SLC1A7: variants seen among roughly 807,000 people sequenced by gnomAD.
SLC1A7 encodes the protein solute carrier family 1 member 7.
Under a neutral mutation model 47.7 loss-of-function variants are expected in SLC1A7, and 40 were observed. The ratio of observed to expected loss-of-function variants is 0.84; its 90% CI spans 0.65 to 1.09. SLC1A7 has a LOEUF of 1.09. Ranked by LOEUF, SLC1A7 falls within the 50% of genes least tolerant of loss-of-function variation. The pLI is 0.00. For synonymous variants in SLC1A7, 323 were observed against 325.6 expected (o/e 0.99, Z 0.09); for missense variants, 746 against 769.5 (o/e 0.97, Z 0.36).
intron 3 of SLC1A7, among the ~76,000 whole-genome samples, chr1:53,113,002 C>T (rs1644716396): frequency 6.6e-6 from 1 of 151,790 alleles, no homozygotes; most frequent in Admixed American, 6.6e-5. Flanking sequence ...CACCAGGGAG[C>T]AGGCAGAGCA....
chr1:53,125,038 A>G (rs1679967), intron 2 of SLC1A7, among the ~76,000 whole-genome samples: 150,038 of 152,244 alleles, frequency 0.99, 73,971 homozygotes, highest in Middle Eastern at 1. Context: ...CTGCTCGGGG[A>G]AGAATGGGAA....
intron 8 of SLC1A7, 156 bp from the exon 9 acceptor site, chr1:53,090,090 A>C: frequency 1.4e-6 from 1 of 729,628 alleles, no homozygotes; most frequent in Non-Finnish European, 2.4e-6. Flanking sequence ...TCTCGGGGTC[A>C]AGTCCCTCCT....
chr1:53,136,074 C>G (rs1216089969), intron 1 of SLC1A7, among the ~76,000 whole-genome samples: 1 of 151,200 alleles, frequency 6.6e-6, no homozygotes, highest in South Asian at 2.1e-4. Context: ...CAGCACAGGA[C>G]CAGGACTGCT....
intron 3 of SLC1A7, among the ~76,000 whole-genome samples, chr1:53,110,874 C>T (rs1450921914): frequency 6.6e-6 from 1 of 152,080 alleles, no homozygotes; most frequent in Non-Finnish European, 1.5e-5. Context: ...TTGCTGGGCA[C>T]ATTCTCCCTG....
Position 53,103,483 on chromosome 1 carries a change from AC to A in SLC1A7, c.559del (p.Val187SerfsTer16). On this transcript the variant is annotated frameshift_variant, in exon 5 of 11. Coordinates refer to ENST00000371494, the MANE Select transcript of SLC1A7 (RefSeq NM_006671.6). LOFTEE classifies it high-confidence loss of function. The stretch of plus-strand genomic sequence containing the variant: ...CACATGGGAGCCATTCTCCTCCTGG[AC>A]CCCGTAGATGAGGATCCGCCGAGGA... ...APPRRILIYG[V>X]QEENGSHVQN... The A allele has an allele frequency of 6.2e-7, 1 of 1,612,830 alleles. No homozygotes were observed. The highest frequency in any genetic ancestry group is 1.1e-5 in the South Asian group (1 of 90,820).
At chr1:53,091,450 C>T (rs940651958) in intron 7 of SLC1A7, among the ~76,000 whole-genome samples, 3 of 152,244 alleles carry the variant, frequency 2.0e-5, no homozygotes, top group Admixed American at 6.5e-5. Context: ...GGGCTTGAGG[C>T]TGCGGTTCCT....
intron 7 of SLC1A7, chr1:53,091,040 C>T (rs899316400): frequency 3.4e-5 from 44 of 1,277,360 alleles, no homozygotes; most frequent in South Asian, 2.0e-4. Flanking sequence ...GCCCAGAGGG[C>T]GGGGCTGACC....
At chr1:53,106,969 A>G (rs1644649336) in intron 3 of SLC1A7, among the ~76,000 whole-genome samples, 1 of 152,010 alleles carries the variant, frequency 6.6e-6, no homozygotes, top group Admixed American at 6.5e-5. Flanking sequence ...AGCCTGGCCA[A>G]CATGGCGAAA....
At chr1:53,122,113 A>C (rs143364377) in intron 2 of SLC1A7, among the ~76,000 whole-genome samples, 106 of 152,280 alleles carry the variant, frequency 7.0e-4, no homozygotes, top group African/African-American at 2.4e-3. Flanking sequence ...GCTCAGCACC[A>C]GGAATAACTT....
At chr1:53,092,414 C>T in intron 7 of SLC1A7, 140 bp downstream of exon 7, 1 of 674,966 alleles carries the variant, frequency 1.5e-6, no homozygotes, top group Non-Finnish European at 2.6e-6. Flanking sequence ...GTTACCCCAG[C>T]ACCAGCCGTC....
chr1:53,088,956 T>C lies in SLC1A7; in HGVS notation c.1385A>G (p.Asn462Ser). Residue 462 changes from asparagine (N) to serine (S), a missense_variant, in exon 10 of 11, where the codon AAC becomes AGC. Asn to Ser is a conservative substitution (Grantham distance 46, BLOSUM62 1). Transcript: ENST00000371494. ...CGCTGCCAGCGCATCACCCAGCACG[T>C]TAATCATGGTGCGGAAACGGTCCCT... ...WALDRFRTMI[N>S]VLGDALAAGI... 6.2e-7 allele frequency: 1 copy of C among 1,614,102 alleles called. No individual in the cohort carries two copies.
chr1:53,122,983 G>A (rs1644841503), intron 2 of SLC1A7, among the ~76,000 whole-genome samples: 1 of 152,112 alleles, frequency 6.6e-6, no homozygotes, highest in Non-Finnish European at 1.5e-5. Context: ...GGCATGCCCT[G>A]CTGCCCTCTG....
At chr1:53,110,398 C>T (rs780699278) in intron 3 of SLC1A7, among the ~76,000 whole-genome samples, 1 of 152,158 alleles carries the variant, frequency 6.6e-6, no homozygotes, top group Non-Finnish European at 1.5e-5. Context: ...GGCCCAACAC[C>T]CAGCTTTGCA....
intron 3 of SLC1A7, chr1:53,108,328 G>A: frequency 2.1e-6 from 1 of 481,554 alleles, no homozygotes; most frequent in Non-Finnish European, 3.7e-6. Flanking sequence ...GAAGCCAAAT[G>A]GAACTTATAC....
intron 2 of SLC1A7, among the ~76,000 whole-genome samples, chr1:53,116,768 G>T (rs1041053369): frequency 6.6e-6 from 1 of 152,348 alleles, no homozygotes; most frequent in African/African-American, 2.4e-5. Flanking sequence ...GGTCACACAG[G>T]ACAGCAGTGC....
chr1:53,132,274 G>A lies in SLC1A7; in HGVS notation c.215+2076C>T, dbSNP rs557511668. ...GGCCACTGGGTGGAATAGATGGGACGGGGACAAGAAGTGAGGCGAGGAGAC... is the reference window on the plus strand; with the variant it reads ...GGCCACTGGGTGGAATAGATGGGACAGGGACAAGAAGTGAGGCGAGGAGAC... On this transcript the variant is annotated intron_variant, in intron 2 of 10. Transcript: ENST00000371494. 5.3e-5 allele frequency among the ~76,000 whole-genome samples: 8 copies of A among 152,286 alleles called. No homozygotes were observed. The East Asian group carries it at 1.4e-3, about 26-fold the overall frequency.
chr1:53,091,003 G>A, intron 7 of SLC1A7, 197 bp from the exon 8 acceptor site: 1 of 1,457,106 alleles, frequency 6.9e-7, no homozygotes, highest in African/African-American at 1.4e-5. Flanking sequence ...AGGTGTTTGG[G>A]TGCATTTTAC....
At chr1:53,114,657 T>G in intron 3 of SLC1A7, 101 bp downstream of exon 3, 1 of 978,984 alleles carries the variant, frequency 1.0e-6, no homozygotes, top group Non-Finnish European at 1.6e-6. Context: ...ATGGACTCCG[T>G]GATCACCCCC....
chr1:53,113,397 C>T (rs1644720514), intron 3 of SLC1A7, among the ~76,000 whole-genome samples: 3 of 152,096 alleles, frequency 2.0e-5, no homozygotes, highest in Admixed American at 2.0e-4. Context: ...ATCCACTGGC[C>T]AACCATCAGT....
Sources: allele counts gnomAD v4.1 joint callset (sites outside exome capture counted in the v4.1 genomes callset), GRCh38; gene constraint gnomAD v4.1.1; transcripts MANE v1.5; gene names NCBI Gene and HGNC (gene_info 2026-07-23, HGNC 2026-07-21).